The following DLG2 variants were observed in gnomAD, a reference collection of about 807,000 sequenced individuals.
DLG2 encodes discs large MAGUK scaffold protein 2.
Under a neutral mutation model 132.5 loss-of-function variants are expected in DLG2, and 45 were observed. The ratio of observed to expected loss-of-function variants is 0.34; its 90% CI spans 0.27 to 0.44. The LOEUF (loss-of-function observed/expected upper bound fraction) is 0.44, where lower values mean the gene tolerates loss of function less well. DLG2 is among the 20% of genes least tolerant of loss of function. DLG2 has a pLI of 1.00. For missense variants in DLG2, 1,045 were observed against 1,196.9 expected, an observed-to-expected ratio of 0.87 and a Z score of 1.87; for synonymous variants, 424 against 419.6, an observed-to-expected ratio of 1.01 and a Z score of -0.13.
chr11:83,510,830 G>GTTTTTTTTTTTT, intron 21 of DLG2, among the ~76,000 whole-genome samples: 1 of 88,776 alleles, frequency 1.1e-5, no homozygotes, highest in Non-Finnish European at 2.1e-5. Flanking sequence ...TGAACCATCC[G>GTTTTTTTTTTTT]TTTTTTTTTT....
intron 6 of DLG2, among the ~76,000 whole-genome samples, chr11:84,684,468 G>A (rs985899886): frequency 6.6e-6 from 1 of 152,064 alleles, no homozygotes; most frequent in Admixed American, 6.5e-5. Context: ...TAAACAGTAC[G>A]TCACAGAACA....
At chr11:83,967,565 C>T (rs371563522) in intron 12 of DLG2, among the ~76,000 whole-genome samples, 148 of 152,202 alleles carry the variant, frequency 9.7e-4, no homozygotes, top group African/African-American at 3.5e-3. Context: ...GTCCTCTGTG[C>T]ATTTTTAAAA....
intron 18 of DLG2, among the ~76,000 whole-genome samples, chr11:83,736,420 T>C (rs2091902096): frequency 1.4e-5 from 2 of 147,820 alleles, no homozygotes; most frequent in Admixed American, 6.6e-5. Context: ...ATGCACCTGT[T>C]CTGAAATGCA....
At chr11:84,083,379 C>G (rs1029106909) in intron 10 of DLG2, among the ~76,000 whole-genome samples, 2 of 152,100 alleles carry the variant, frequency 1.3e-5, no homozygotes, top group African/African-American at 4.8e-5. Context: ...GGATGAAAGC[C>G]ACAACTACCA....
At chr11:83,584,157 C>G (rs1463103719) in intron 19 of DLG2, among the ~76,000 whole-genome samples, 1 of 152,138 alleles carries the variant, frequency 6.6e-6, no homozygotes, top group Non-Finnish European at 1.5e-5. Flanking sequence ...GACTTTTGTA[C>G]TGAGTCACTT....
intron 3 of DLG2, among the ~76,000 whole-genome samples, chr11:85,387,355 C>A (rs1334900138): frequency 1.3e-5 from 2 of 152,166 alleles, no homozygotes; most frequent in Non-Finnish European, 2.9e-5. Flanking sequence ...AGACTATTAA[C>A]TTGTATGAAA....
chr11:83,969,619 G>T (rs1432678847), intron 12 of DLG2, among the ~76,000 whole-genome samples: 1 of 152,038 alleles, frequency 6.6e-6, no homozygotes, highest in East Asian at 1.9e-4. Context: ...TGTTGCCCAG[G>T]CTGGAGTGCC....
chr11:85,448,438 G>T (rs981810709), intron 3 of DLG2, among the ~76,000 whole-genome samples: 2 of 152,098 alleles, frequency 1.3e-5, no homozygotes, highest in Non-Finnish European at 2.9e-5. Flanking sequence ...CATTCATCAG[G>T]CTGGAATAAT....
intron 15 of DLG2, among the ~76,000 whole-genome samples, chr11:83,905,536 G>C (rs2074506471): frequency 6.6e-6 from 1 of 152,172 alleles, no homozygotes; most frequent in Non-Finnish European, 1.5e-5. Flanking sequence ...CCACAGCAAA[G>C]GGATGAGGTC....
chr11:85,574,430 A>C (rs1489474643), intron 3 of DLG2, among the ~76,000 whole-genome samples: 13 of 152,040 alleles, frequency 8.6e-5, no homozygotes, highest in Non-Finnish European at 7.4e-5. Context: ...CAGGCAAAAA[A>C]AAAAAAAAAA....
intron 17 of DLG2, among the ~76,000 whole-genome samples, chr11:83,824,571 T>C (rs1302901206): frequency 1.3e-5 from 2 of 152,194 alleles, no homozygotes; most frequent in Non-Finnish European, 1.5e-5. Flanking sequence ...TTTCACTTGA[T>C]AGTAATTTAT....
chr11:84,140,881 A>G (rs2094813818), intron 9 of DLG2, among the ~76,000 whole-genome samples: 1 of 152,112 alleles, frequency 6.6e-6, no homozygotes, highest in Non-Finnish European at 1.5e-5. Context: ...CATATTTTCC[A>G]TGTTTGCTGG....
At chr11:83,639,436 G>T (rs535237754) in intron 18 of DLG2, among the ~76,000 whole-genome samples, 5 of 152,050 alleles carry the variant, frequency 3.3e-5, no homozygotes, top group Non-Finnish European at 7.4e-5. Flanking sequence ...AATAAAAAAC[G>T]ATGAGTTCAT....
At chr11:84,910,712 A>C (rs2091974255) in intron 6 of DLG2, among the ~76,000 whole-genome samples, 1 of 152,200 alleles carries the variant, frequency 6.6e-6, no homozygotes, top group Non-Finnish European at 1.5e-5. Flanking sequence ...CAGGAGTTCG[A>C]GACCTGCCTG....
intron 9 of DLG2, among the ~76,000 whole-genome samples, chr11:84,160,586 G>A (rs1233669998): frequency 6.6e-6 from 1 of 152,054 alleles, no homozygotes; most frequent in African/African-American, 2.4e-5. Flanking sequence ...AGGTAATAGT[G>A]GAAGGAAAAC....
chr11:84,098,632 G>A (rs2092084492), intron 10 of DLG2, among the ~76,000 whole-genome samples: 1 of 152,030 alleles, frequency 6.6e-6, no homozygotes, highest in Non-Finnish European at 1.5e-5. Flanking sequence ...TCATATTTAT[G>A]TTCTTTCCAA....
intron 6 of DLG2, among the ~76,000 whole-genome samples, chr11:84,541,228 A>G (rs986672864): frequency 2.6e-5 from 4 of 151,776 alleles, no homozygotes; most frequent in Non-Finnish European, 5.9e-5. Flanking sequence ...GAAACTTTGT[A>G]AACAGATTAT....
intron 3 of DLG2, among the ~76,000 whole-genome samples, chr11:85,574,106 A>T (rs2078008459): frequency 6.6e-6 from 1 of 152,186 alleles, no homozygotes; most frequent in Non-Finnish European, 1.5e-5. Context: ...ATTTTGCATA[A>T]CATTTGGCAA....
chr11:83,875,837 A>G (rs1031872994), intron 15 of DLG2, among the ~76,000 whole-genome samples: 28 of 152,144 alleles, frequency 1.8e-4, no homozygotes, highest in African/African-American at 6.3e-4. Flanking sequence ...TGGTCACCAC[A>G]GGTGGGAAGA....
Sources: gnomAD v4.1 joint callset for allele counts (sites outside exome capture counted in the v4.1 genomes callset) on GRCh38, gnomAD v4.1.1 for gene constraint, MANE v1.5 for transcripts, NCBI Gene and HGNC (gene_info 2026-07-23, HGNC 2026-07-21) for gene names.